Variants in HTR4 observed in about 807,000 individuals in gnomAD.
HTR4 encodes the protein 5-hydroxytryptamine (serotonin) receptor 4, G protein-coupled.
A neutral mutation model predicts 36.8 loss-of-function variants in HTR4; 16 were observed. The observed-to-expected ratio is 0.43, with a 90% CI of 0.29 to 0.66. The LOEUF (loss-of-function observed/expected upper bound fraction) is 0.66, where lower values mean the gene tolerates loss of function less well. Ranked by LOEUF, HTR4 falls within the 30% of genes least tolerant of loss-of-function variation. The pLI is 0.13. For missense variants in HTR4, 438 were observed against 490.9 expected (o/e 0.89, Z 1.02); for synonymous variants, 189 against 185.1 (o/e 1.02, Z -0.17).
At chr5:148,589,364 T>C (rs1761471741) in intron 2 of HTR4, among the ~76,000 whole-genome samples, 2 of 152,246 alleles carry the variant, frequency 1.3e-5, no homozygotes, top group African/African-American at 4.8e-5. Flanking sequence ...CCTGACATTC[T>C]GCCAGCCCTT....
chr5:148,529,476 C>T (rs578229249), intron 4 of HTR4, among the ~76,000 whole-genome samples: 111 of 152,318 alleles, frequency 7.3e-4, no homozygotes, highest in African/African-American at 2.6e-3. Flanking sequence ...TCTCTCTTCT[C>T]TAGTCTGCTG....
chr5:148,616,767 A>AT (rs60023658), intron 2 of HTR4, among the ~76,000 whole-genome samples: 2,954 of 152,056 alleles, frequency 0.019, 84 homozygotes, highest in African/African-American at 0.067. Flanking sequence ...ACACAGACAG[A>AT]TTTTTTTCTT....
chr5:148,576,050 A>G (rs1181423991), intron 2 of HTR4, among the ~76,000 whole-genome samples: 1 of 150,932 alleles, frequency 6.6e-6, no homozygotes, highest in African/African-American at 2.4e-5. Context: ...AGGATACAAA[A>G]TCAATGTAAA....
intron 5 of HTR4, chr5:148,451,386 T>C (rs1754970263): frequency 6.5e-7 from 1 of 1,548,112 alleles, no homozygotes; most frequent in Non-Finnish European, 8.8e-7. Flanking sequence ...TCTGAGGGTA[T>C]GGTGAAGTGG....
rs1561595517 is a variant in HTR4, at chr5:148,523,354, G to A, written c.354-8C>T. ...CAGCAGATGGCGTAATACCTGGAGA[G>A]AGAATAGAGGGCAGAGCATAGGCAT... is the stretch of plus-strand genomic sequence containing the variant. On this transcript the variant is annotated splice_polypyrimidine_tract_variant and splice_region_variant and intron_variant, in intron 4 of 6. Coordinates refer to ENST00000377888, the MANE Select transcript of HTR4 (RefSeq NM_000870.7). The A allele has an allele frequency of 1.2e-6, 2 of 1,603,528 alleles. No homozygotes were observed. The highest frequency in any genetic ancestry group is 1.7e-6 in the Non-Finnish European group (2 of 1,176,000).
intron 1 of HTR4, chr5:148,645,938 T>A (rs942811587): frequency 2.0e-5 from 3 of 152,234 alleles, no homozygotes; most frequent in Non-Finnish European, 2.9e-5. Context: ...TTCTTGTCAT[T>A]ACTGATTTCA....
chr5:148,530,611 G>A (rs1758515014), intron 4 of HTR4, among the ~76,000 whole-genome samples: 1 of 152,228 alleles, frequency 6.6e-6, no homozygotes, highest in Admixed American at 6.5e-5. Flanking sequence ...CTAGAGCACT[G>A]CAGATGGGAA....
At chr5:148,561,045 A>G (rs1401130412) in intron 2 of HTR4, among the ~76,000 whole-genome samples, 1 of 152,188 alleles carries the variant, frequency 6.6e-6, no homozygotes, top group East Asian at 1.9e-4. Flanking sequence ...TAATTCTAAA[A>G]TAATTTTATT....
chr5:148,644,165 C>T (rs754751299), intron 1 of HTR4, among the ~76,000 whole-genome samples: 4 of 152,128 alleles, frequency 2.6e-5, no homozygotes, highest in African/African-American at 9.7e-5. Context: ...AGAACCACCA[C>T]GGCAAAACAG....
At chr5:148,550,306 G>T (rs754242990) in intron 2 of HTR4, 44 bp from the exon 3 acceptor site, 1 of 1,606,664 alleles carries the variant, frequency 6.2e-7, no homozygotes, top group Non-Finnish European at 8.5e-7. Context: ...GAAACTCTGG[G>T]ACACAAGAAG....
intron 2 of HTR4, among the ~76,000 whole-genome samples, chr5:148,568,135 G>C (rs1001313366): frequency 3.3e-5 from 5 of 152,038 alleles, no homozygotes; most frequent in Non-Finnish European, 5.9e-5. Flanking sequence ...TCCTCAAGAC[G>C]TTATATATGT....
intron 4 of HTR4, among the ~76,000 whole-genome samples, chr5:148,538,205 A>T (rs1052073043): frequency 1.3e-5 from 2 of 152,196 alleles, no homozygotes; most frequent in African/African-American, 4.8e-5. Context: ...AAATTCTCAA[A>T]AAAAACTAGG....
At chr5:148,528,812 T>A (rs1366893341) in intron 4 of HTR4, among the ~76,000 whole-genome samples, 1 of 152,024 alleles carries the variant, frequency 6.6e-6, no homozygotes, top group Admixed American at 6.6e-5. Context: ...AATTTGCAAG[T>A]TCTTTGGAGG....
At chr5:148,493,071 G>T (rs1014072403) in intron 6 of HTR4, among the ~76,000 whole-genome samples, 5 of 152,218 alleles carry the variant, frequency 3.3e-5, no homozygotes, top group Non-Finnish European at 7.3e-5. Context: ...TTTGCAAAAA[G>T]CACTAACTTT....
rs373211451 is a variant in HTR4, at chr5:148,634,340, GTAT to G, written c.26+2646_26+2648del. 2.3e-4 allele frequency among the ~76,000 whole-genome samples: 35 copies of G among 152,238 alleles called. 1 individual carries two copies. In the South Asian group the frequency reaches 7.3e-3, roughly 32 times the overall value. The stretch of plus-strand genomic sequence containing the variant: ...CAGGAATGTCAGACATCTCAGCAAT[GTAT>G]ACATAGACCCACACACAAACATTCA... On this transcript the variant is annotated intron_variant, in intron 2 of 6. Coordinates refer to ENST00000377888, the MANE Select transcript of HTR4 (RefSeq NM_000870.7).
chr5:148,611,425 C>T (rs1225380219), intron 2 of HTR4, among the ~76,000 whole-genome samples: 1 of 143,974 alleles, frequency 6.9e-6, no homozygotes, highest in African/African-American at 2.6e-5. Flanking sequence ...TCCAGCCAAA[C>T]TAAGCTTCAT....
intron 1 of HTR4, among the ~76,000 whole-genome samples, chr5:148,638,348 T>C (rs1753618729): frequency 6.6e-6 from 1 of 152,218 alleles, no homozygotes; most frequent in African/African-American, 2.4e-5. Context: ...ATATTTTGAA[T>C]GTAGAATAAT....
chr5:148,495,226 C>A lies in HTR4; in HGVS notation c.1077-11933G>T, dbSNP rs563395979. ...AATTATCACTCTCATGTGGACAGAG[C>A]TTTGCAGTTAGCAAAGCAAATTCAC... On this transcript the variant is annotated intron_variant, in intron 6 of 6. Coordinates refer to ENST00000377888, the MANE Select transcript of HTR4 (RefSeq NM_000870.7). Among the ~76,000 whole-genome samples, 160 of 152,284 alleles carry A rather than the reference C, an allele frequency of 1.1e-3. 1 individual carries two copies. The highest frequency in any genetic ancestry group is 3.8e-3 in the African/African-American group (156 of 41,550).
chr5:148,532,073 A>G (rs1391076148), intron 4 of HTR4, among the ~76,000 whole-genome samples: 1 of 152,204 alleles, frequency 6.6e-6, no homozygotes, highest in Non-Finnish European at 1.5e-5. Flanking sequence ...ATTTTCACCA[A>G]TAGCAGGAGT....
Sources: allele counts gnomAD v4.1 joint callset (sites outside exome capture counted in the v4.1 genomes callset), GRCh38; gene constraint gnomAD v4.1.1; transcripts MANE v1.5; gene names NCBI Gene and HGNC (gene_info 2026-07-23, HGNC 2026-07-21).